The following OXR1 variants were observed in gnomAD, a reference collection of about 807,000 sequenced individuals.
The protein encoded by OXR1 is oxidation resistance 1.
OXR1 carries 41 observed loss-of-function variants against 104.6 expected under a neutral mutation model. The observed-to-expected ratio is 0.39, with a 90% confidence interval of 0.31 to 0.51. The LOEUF (loss-of-function observed/expected upper bound fraction) is 0.51. Among genes scored for constraint, OXR1 ranks in the 20% least tolerant of loss-of-function variants. The probability of loss-of-function intolerance (pLI) is 0.77; values close to 1 mark genes in which losing one functional copy is unlikely to be tolerated. For missense variants in OXR1, 955 were observed against 1,031.9 expected, an observed-to-expected ratio of 0.93 and a Z score of 1.02; for synonymous variants, 348 against 348.4, an observed-to-expected ratio of 1.00 and a Z score of 0.01.
chr8:106,570,398 C>A (rs1817389496), intron 3 of OXR1, among the ~76,000 whole-genome samples: 1 of 152,072 alleles, frequency 6.6e-6, no homozygotes, highest in South Asian at 2.1e-4. Flanking sequence ...TATGATTTCA[C>A]TTTTTATGAA....
chr8:106,439,111 G>A (rs1341535019), intron 2 of OXR1, among the ~76,000 whole-genome samples: 2 of 152,048 alleles, frequency 1.3e-5, no homozygotes, highest in South Asian at 2.1e-4. Flanking sequence ...GCTATGGACC[G>A]AATTTCTGCG....
At chr8:106,705,611 A>G (rs28921415) in intron 8 of OXR1, among the ~76,000 whole-genome samples, 3,886 of 152,304 alleles carry the variant, frequency 0.026, 173 homozygotes, top group African/African-American at 0.09. Context: ...GACTTCTTGT[A>G]ACCATCATTT....
chr8:106,633,607 T>G (rs1395864020), intron 3 of OXR1, among the ~76,000 whole-genome samples: 1 of 152,206 alleles, frequency 6.6e-6, no homozygotes, highest in Non-Finnish European at 1.5e-5. Flanking sequence ...TTTTTGGCCC[T>G]GATCATCTGA....
In OXR1 at chr8:106,380,251, CT is replaced by C. The variant is rs576614112; in HGVS notation, c.23+20617del. On this transcript the variant is annotated intron_variant, in intron 2 of 16. Transcript: ENST00000517566. ...TAGTCTTCTCTTTCTGTTTTTTCCC[CT>C]TAACATAATGTTTTCAAGATTTATA... Among the ~76,000 whole-genome samples the C allele has an allele frequency of 1.0e-4, 15 of 148,782 alleles. No homozygotes were observed. In the East Asian group the frequency reaches 2.9e-3, roughly 29 times the overall value.
chr8:106,720,800 T>C, intron 11 of OXR1: 1 of 493,506 alleles, frequency 2.0e-6, no homozygotes, highest in South Asian at 8.7e-5. Flanking sequence ...AAATACCCTT[T>C]AAAATTTAAT....
chr8:106,742,501 G>A lies in OXR1; in HGVS notation c.2412+184G>A, dbSNP rs28924692. The A allele has an allele frequency of 2.3e-3, 1,144 of 490,086 alleles. 7 individuals carry two copies. Among genetic ancestry groups the A allele is most frequent in the Admixed American group, 4.4e-3 (115 of 26,106 alleles). The allele number at this position is 490,086 out of a possible 1,614,324, so 30.4% of individuals were successfully genotyped here. On this transcript the variant is annotated intron_variant, in intron 15 of 16. Coordinates refer to ENST00000517566, the MANE Select transcript of OXR1 (RefSeq NM_001198533.2). ...GCCCAAATAGCCAAGAGAATGCTAA[G>A]CATAAAGAACAAAGCTGGAGGCATC...
intron 2 of OXR1, among the ~76,000 whole-genome samples, chr8:106,363,975 T>C (rs1233487301): frequency 3.9e-5 from 6 of 152,232 alleles, no homozygotes; most frequent in South Asian, 2.1e-4. Context: ...CCATTATGTA[T>C]GCTCACCCTT....
intron 2 of OXR1, among the ~76,000 whole-genome samples, chr8:106,476,726 TGTC>T (rs1033629035): frequency 2.6e-5 from 4 of 151,948 alleles, no homozygotes; most frequent in African/African-American, 9.7e-5. Context: ...TTTCTCCTGT[TGTC>T]CTGACATTTT....
In OXR1 at chr8:106,305,601, A is replaced by G. The variant is rs566489382; in HGVS notation, c.-139+35234A>G. On this transcript the variant is annotated intron_variant, in intron 1 of 16. Transcript: ENST00000517566. The stretch of plus-strand genomic sequence containing the variant: ...CTGTGTGGATGGATGATAATTTTCT[A>G]CATTCATTTTTAATTCCATGCATCC... 3.3e-4 allele frequency among the ~76,000 whole-genome samples: 50 copies of G among 152,244 alleles called. 1 individual carries two copies. The South Asian group carries it at 0.01, about 32-fold the overall frequency.
At chr8:106,389,853 G>A (rs1054987762) in intron 2 of OXR1, among the ~76,000 whole-genome samples, 11 of 152,136 alleles carry the variant, frequency 7.2e-5, no homozygotes, top group African/African-American at 2.2e-4. Context: ...ATCACTTGAG[G>A]TCAGGAGTTC....
At chr8:106,648,476 A>T (rs1824270854) in intron 3 of OXR1, among the ~76,000 whole-genome samples, 1 of 152,226 alleles carries the variant, frequency 6.6e-6, no homozygotes, top group African/African-American at 2.4e-5. Context: ...AAAATATAAA[A>T]TCAGAGCCAT....
intron 1 of OXR1, 101 bp from the exon 2 acceptor site, chr8:106,359,375 A>G (rs1412249057): frequency 1.6e-5 from 8 of 496,960 alleles, no homozygotes; most frequent in African/African-American, 7.7e-5. Context: ...TTTTGTGTGT[A>G]TCTTATACCA....
chr8:106,450,979 A>C lies in OXR1; in HGVS notation c.24-67964A>C, dbSNP rs55687019. Among the ~76,000 whole-genome samples the C allele has an allele frequency of 2.7e-3, 410 of 152,288 alleles. 2 individuals are homozygous for C. The highest frequency in any genetic ancestry group is 9.3e-3 in the African/African-American group (386 of 41,558). Reference sequence around the variant, plus strand: ...AACTGTGATATTCAGTGAAGTTCTCACTGCAAATTGGGAACCGAGAAAGGA... The same window carrying C: ...AACTGTGATATTCAGTGAAGTTCTCCCTGCAAATTGGGAACCGAGAAAGGA... On this transcript the variant is annotated intron_variant, in intron 2 of 16. Coordinates refer to ENST00000517566, the MANE Select transcript of OXR1 (RefSeq NM_001198533.2).
chr8:106,601,128 A>C (rs1052370548), intron 3 of OXR1, among the ~76,000 whole-genome samples: 1 of 152,350 alleles, frequency 6.6e-6, no homozygotes, highest in Middle Eastern at 3.4e-3. Flanking sequence ...AACTGATCTT[A>C]GGGCACTGTT....
chr8:106,674,461 A>G (rs769020138), intron 3 of OXR1, among the ~76,000 whole-genome samples: 7 of 152,162 alleles, frequency 4.6e-5, no homozygotes, highest in Non-Finnish European at 1.0e-4. Flanking sequence ...ACAGGCTTAT[A>G]GGCAGAAGGA....
At chr8:106,424,862 T>C (rs1028711901) in intron 2 of OXR1, among the ~76,000 whole-genome samples, 6 of 152,106 alleles carry the variant, frequency 3.9e-5, no homozygotes, top group African/African-American at 1.2e-4. Flanking sequence ...TGAGGATAAA[T>C]GCTTTTCTTA....
At chr8:106,641,110 G>A (rs1823588777) in intron 3 of OXR1, among the ~76,000 whole-genome samples, 1 of 152,208 alleles carries the variant, frequency 6.6e-6, no homozygotes, top group African/African-American at 2.4e-5. Flanking sequence ...GCTAGCTAAA[G>A]AAACATCATT....
chr8:106,729,054 T>A (rs1833615275), intron 11 of OXR1, among the ~76,000 whole-genome samples: 1 of 152,198 alleles, frequency 6.6e-6, no homozygotes, highest in East Asian at 1.9e-4. Flanking sequence ...ATCTTTCCAG[T>A]GACTTCAGCC....
At chr8:106,315,414 G>C (rs901928416) in intron 1 of OXR1, among the ~76,000 whole-genome samples, 1 of 152,032 alleles carries the variant, frequency 6.6e-6, no homozygotes, top group African/African-American at 2.4e-5. Context: ...TAAATCCCAA[G>C]ATAAAATATC....
Sources: gnomAD v4.1 joint callset for allele counts (sites outside exome capture counted in the v4.1 genomes callset) on GRCh38, gnomAD v4.1.1 for gene constraint, MANE v1.5 for transcripts, NCBI Gene and HGNC (gene_info 2026-07-23, HGNC 2026-07-21) for gene names.